BICD1: variants seen among roughly 807,000 people sequenced by gnomAD.
The protein encoded by BICD1 is protein bicaudal D homolog 1.
In BICD1, 35 loss-of-function variants were observed where a neutral mutation model predicts 92.5. The observed-to-expected ratio is 0.38, with a 90% CI of 0.29 to 0.50. BICD1 has a LOEUF of 0.50. Among genes scored for constraint, BICD1 ranks in the 20% least tolerant of loss-of-function variants. The probability of loss-of-function intolerance (pLI) is 0.93; values close to 1 mark genes in which losing one functional copy is unlikely to be tolerated. For synonymous variants in BICD1, 429 were observed against 465.1 expected, an observed-to-expected ratio of 0.92 and a Z score of 1.00; for missense variants, 950 against 1,189.8, an observed-to-expected ratio of 0.80 and a Z score of 2.97.
rs553969965 is a variant in BICD1 at position 32,245,826 on chromosome 12, T to C, written c.426+29367T>C. 5.3e-5 allele frequency among the ~76,000 whole-genome samples: 8 copies of C among 151,770 alleles called. No individual in the cohort carries two copies. In the East Asian group the frequency reaches 1.6e-3, roughly 30 times the overall value. On this transcript the variant is annotated intron_variant, in intron 2 of 9. Transcript: ENST00000652176. ...GGGCGGATTGTCTGAGGTCAGGAGTTCGAGACCAGTCTGGCCAACATAGTG... is the reference window on the plus strand; with the variant it reads ...GGGCGGATTGTCTGAGGTCAGGAGTCCGAGACCAGTCTGGCCAACATAGTG...
rs1176306505 is a variant in BICD1 at position 32,301,772 on chromosome 12, CACAA to C, written c.580-3911_580-3908del. On this transcript the variant is annotated intron_variant, in intron 3 of 9. Coordinates refer to ENST00000652176, the MANE Select transcript of BICD1 (RefSeq NM_001714.4). ...CCTGGGCAACAGAGCAAGACCCTGT[CACAA>C]ACAAACAAACAAAAGAAAAAGTAGA... Among the ~76,000 whole-genome samples, 4 of 152,082 alleles carry C rather than the reference CACAA, an allele frequency of 2.6e-5. No homozygotes were observed. The East Asian group carries it at 5.8e-4, about 22-fold the overall frequency.
chr12:32,122,501 A>T (rs202146823), intron 1 of BICD1, among the ~76,000 whole-genome samples: 45 of 151,950 alleles, frequency 3.0e-4, no homozygotes, highest in African/African-American at 1.1e-3. Context: ...AAAAAAAAAA[A>T]AACAAATAAC....
rs765984931 is a variant in BICD1 at position 32,198,323 on chromosome 12, C to CATATATATATATATATATATATAT, written c.214-17922_214-17921insATATATATATATATATATATATAT. 2.5e-3 allele frequency among the ~76,000 whole-genome samples: 217 copies of CATATATATATATATATATATATAT among 87,832 alleles called. 34 individuals carry two copies. The highest frequency in any genetic ancestry group is 3.5e-3 in the Non-Finnish European group (155 of 43,682). The allele number at this position is 87,832 out of a possible 152,430, so 57.6% of individuals were successfully genotyped here. A position where few individuals can be genotyped will look rare whatever the true frequency, so the allele number is the denominator to read the frequency against. On this transcript the variant is annotated intron_variant, in intron 1 of 9. Transcript: ENST00000652176. ...AGGGGATGATTATGGGAATAATATGCATCTATCTATATATATATATATATA... is the reference window on the plus strand; with the variant it reads ...AGGGGATGATTATGGGAATAATATGCATATATATATATATATATATATATATCTATCTATATATATATATATATA...
At chr12:32,173,326 A>G (rs1349887839) in intron 1 of BICD1, among the ~76,000 whole-genome samples, 2 of 152,198 alleles carry the variant, frequency 1.3e-5, no homozygotes, top group Non-Finnish European at 2.9e-5. Flanking sequence ...CCGGGATTAC[A>G]GGCCTGAGCC....
chr12:32,123,505 C>T (rs751930297), intron 1 of BICD1, among the ~76,000 whole-genome samples: 4 of 152,192 alleles, frequency 2.6e-5, no homozygotes, highest in Non-Finnish European at 5.9e-5. Context: ...TTCCTTCCCA[C>T]CATAGCAGGT....
At chr12:32,255,562 T>C (rs73310796) in intron 2 of BICD1, among the ~76,000 whole-genome samples, 4,132 of 152,366 alleles carry the variant, frequency 0.027, 210 homozygotes, top group African/African-American at 0.095. Context: ...TGATGAGGCA[T>C]GGAACTTGGA....
chr12:32,143,408 TG>T (rs1462082584), intron 1 of BICD1, among the ~76,000 whole-genome samples: 2 of 152,230 alleles, frequency 1.3e-5, no homozygotes, highest in Non-Finnish European at 2.9e-5. Flanking sequence ...TTTACATGAA[TG>T]GAATAATATT....
intron 1 of BICD1, among the ~76,000 whole-genome samples, chr12:32,210,960 G>A (rs1945197175): frequency 1.3e-5 from 2 of 152,212 alleles, no homozygotes; most frequent in African/African-American, 2.4e-5. Flanking sequence ...ACCTGGTGGA[G>A]CCAGACGAGT....
rs1938478620 is a variant in BICD1, at chr12:32,344,033, T to TCAGG, written c.2764+5057_2764+5060dup. Among the ~76,000 whole-genome samples, 4 of 152,360 alleles carry TCAGG rather than the reference T, an allele frequency of 2.6e-5. No homozygotes were observed. The South Asian group carries it at 8.3e-4, about 32-fold the overall frequency. ...AAATTTAGTGAATATCTGCTATGTG[T>TCAGG]CAGGCACTTTTCTTGGCTCTTGATA... On this transcript the variant is annotated intron_variant, in intron 8 of 9. Coordinates refer to ENST00000652176, the MANE Select transcript of BICD1 (RefSeq NM_001714.4).
intron 5 of BICD1, among the ~76,000 whole-genome samples, chr12:32,330,116 A>G (rs977496705): frequency 6.6e-6 from 1 of 152,156 alleles, no homozygotes; most frequent in African/African-American, 2.4e-5. Flanking sequence ...TCTCATCTAC[A>G]GTGCAGCTTT....
intron 8 of BICD1, chr12:32,340,087 T>C (rs1938306306): frequency 2.0e-6 from 2 of 984,650 alleles, no homozygotes; most frequent in Admixed American, 1.2e-4. Context: ...ACCGTTGAAA[T>C]AGAATTTTTT....
intron 1 of BICD1, among the ~76,000 whole-genome samples, chr12:32,113,941 G>A (rs1432796209): frequency 3.3e-5 from 5 of 150,482 alleles, no homozygotes; most frequent in Non-Finnish European, 5.9e-5. Context: ...GCGCAATCTC[G>A]GCTTACTGCA....
intron 2 of BICD1, among the ~76,000 whole-genome samples, chr12:32,271,473 G>A (rs1018240974): frequency 3.3e-5 from 5 of 152,190 alleles, no homozygotes; most frequent in African/African-American, 9.6e-5. Flanking sequence ...CTATTTTATT[G>A]TTCCTGGCCC....
intron 2 of BICD1, among the ~76,000 whole-genome samples, chr12:32,233,679 A>C (rs1945969608): frequency 1.3e-5 from 2 of 152,148 alleles, no homozygotes; most frequent in African/African-American, 4.8e-5. Flanking sequence ...GACTAAAAAT[A>C]GCTCAATTTG....
rs142600802 is a variant in BICD1 at position 32,193,679 on chromosome 12, C to T, written c.214-22568C>T. On this transcript the variant is annotated intron_variant, in intron 1 of 9. Transcript: ENST00000652176. ...TCATAAAAAAACTAGAAAATATAAA[C>T]GACCAAATAAGTAAGGAGATTAAAT... 5.3e-5 allele frequency among the ~76,000 whole-genome samples: 8 copies of T among 152,074 alleles called. No homozygotes were observed. In the East Asian group the frequency reaches 9.7e-4, roughly 18 times the overall value.
rs148197185 is a variant in BICD1, at chr12:32,164,126, C to T, written c.214-52121C>T. Among the ~76,000 whole-genome samples the T allele has an allele frequency of 1.4e-4, 22 of 152,172 alleles. No individual in the cohort carries two copies. In the East Asian group the frequency reaches 2.9e-3, roughly 20 times the overall value. On this transcript the variant is annotated intron_variant, in intron 1 of 9. Coordinates refer to ENST00000652176, the MANE Select transcript of BICD1 (RefSeq NM_001714.4). ...AAACGAACTTAGAAGTGGCATATGG[C>T]GAATGTCACAGCTATAAGTTGGAGG...
Position 32,337,770 on chromosome 12 carries a change from C to T in BICD1, c.2524C>T (p.Pro842Ser), listed in dbSNP as rs1206060064. Residue 842 changes from proline (P) to serine (S), a missense_variant, in exon 7 of 10, where the codon CCA becomes TCA. Around this residue, in one of 5 missense-constraint regions of BICD1, gnomAD observed 179 missense variants for 186.7 expected, o/e 0.96. Coordinates refer to ENST00000652176, the MANE Select transcript of BICD1 (RefSeq NM_001714.4). This position sits in a 1 kb window ranked among gnomAD's most constrained non-coding sequence, Gnocchi z 4.7. Reference sequence around the variant, plus strand: ...CACTTACCTCCTGCATAGTCAGGGCCCACAGACACCCAACATTCGGGTCAG... The same window carrying T: ...CACTTACCTCCTGCATAGTCAGGGCTCACAGACACCCAACATTCGGGTCAG... Reference protein sequence around the residue: ...IDTYLLHSQGPQTPNIRVSSG... With the variant: ...IDTYLLHSQGSQTPNIRVSSG... The T allele has an allele frequency of 3.1e-6, 5 of 1,614,050 alleles. No homozygotes were observed. The highest frequency in any genetic ancestry group is 3.3e-5 in the Admixed American group (2 of 60,008).
chr12:32,154,699 T>A (rs7294637), intron 1 of BICD1, among the ~76,000 whole-genome samples: 4,821 of 152,320 alleles, frequency 0.032, 254 homozygotes, highest in African/African-American at 0.11. Flanking sequence ...TCTCTACTGC[T>A]TATAACCCAA....
intron 4 of BICD1, among the ~76,000 whole-genome samples, chr12:32,316,730 G>A (rs1948513121): frequency 6.6e-6 from 1 of 151,276 alleles, no homozygotes; most frequent in Non-Finnish European, 1.5e-5. Flanking sequence ...TATACTTTAA[G>A]TTTTAGGGTA....
Sources: allele counts gnomAD v4.1 joint callset (sites outside exome capture counted in the v4.1 genomes callset), GRCh38; gene constraint gnomAD v4.1.1; regional missense constraint gnomAD v4.1.1; non-coding constraint Gnocchi (gnomAD v3.1); transcripts MANE v1.5; gene names NCBI Gene and HGNC (gene_info 2026-07-23, HGNC 2026-07-21).